ZDHHC7: variants seen among roughly 807,000 people sequenced by gnomAD.
ZDHHC7 encodes palmitoyltransferase ZDHHC7.
In ZDHHC7, 12 loss-of-function variants were observed where a neutral mutation model predicts 34.1. The ratio of observed to expected loss-of-function variants is 0.35; its 90% CI spans 0.23 to 0.57. The LOEUF (loss-of-function observed/expected upper bound fraction) is 0.57. Among genes scored for constraint, ZDHHC7 ranks in the 20% least tolerant of loss-of-function variants. The probability of loss-of-function intolerance (pLI) is 0.84; values close to 1 mark genes in which losing one functional copy is unlikely to be tolerated. For missense variants in ZDHHC7, 388 were observed against 402.7 expected (o/e 0.96, Z 0.31); for synonymous variants, 185 against 155.4 (o/e 1.19, Z -1.42).
chr16:84,981,793 C>A, intron 4 of ZDHHC7, 77 bp downstream of exon 4: 1 of 1,606,288 alleles, frequency 6.2e-7, no homozygotes, highest in East Asian at 2.2e-5. Flanking sequence ...CGGTGGTGGG[C>A]GCACTCTGGT....
At chr16:85,026,947 G>C in the ZDHHC7 span, among the ~76,000 whole-genome samples, 1 of 152,056 alleles carries the variant, frequency 6.6e-6, no homozygotes, top group East Asian at 1.9e-4. Flanking sequence ...TACTAGGGAG[G>C]GGCTGTCAGT....
chr16:85,010,317 C>A (rs2072773690), intron 1 of ZDHHC7, among the ~76,000 whole-genome samples: 1 of 152,122 alleles, frequency 6.6e-6, no homozygotes, highest in African/African-American at 2.4e-5. Context: ...CCACGAGCCA[C>A]CGCGTGCGTA....
chr16:84,990,189 G>C (rs796550870), intron 3 of ZDHHC7, 115 bp downstream of exon 3: 1 of 1,257,570 alleles, frequency 8.0e-7, no homozygotes, highest in African/African-American at 1.5e-5. Flanking sequence ...CACCTTTCTT[G>C]TTCCACACCC....
At chr16:85,005,858 T>C (rs2072710839) in intron 1 of ZDHHC7, among the ~76,000 whole-genome samples, 1 of 152,180 alleles carries the variant, frequency 6.6e-6, no homozygotes, top group Non-Finnish European at 1.5e-5. Context: ...GCAACCAGGA[T>C]TGATTCACCA....
the ZDHHC7 span, among the ~76,000 whole-genome samples, chr16:85,018,705 C>T: frequency 6.6e-6 from 1 of 152,060 alleles, no homozygotes; most frequent in South Asian, 2.1e-4. Context: ...CCACCTTGGC[C>T]TCCCAAAGTG....
intron 3 of ZDHHC7, among the ~76,000 whole-genome samples, chr16:84,987,453 T>G (rs1458649785): frequency 1.8e-4 from 28 of 152,188 alleles, no homozygotes; most frequent in South Asian, 2.1e-4. Flanking sequence ...GGTTTGTTTT[T>G]TTTTTTTCAT....
chr16:85,008,504 C>CG lies in ZDHHC7; in HGVS notation c.-104+2781_-104+2782insC, dbSNP rs549576804. On this transcript the variant is annotated intron_variant, in intron 1 of 7. Coordinates refer to ENST00000313732, the MANE Select transcript of ZDHHC7 (RefSeq NM_017740.3). Reference sequence around the variant, plus strand: ...TGGTTTTGGGAACCACCACCTACACCCCCCCCCAAAAAAAAGCCAACTTGC... The same window carrying CG: ...TGGTTTTGGGAACCACCACCTACACCGCCCCCCCAAAAAAAAGCCAACTTGC... Among the ~76,000 whole-genome samples, 6 of 144,246 alleles carry CG rather than the reference C, an allele frequency of 4.2e-5. No individual in the cohort carries two copies. The East Asian group carries it at 1.3e-3, about 32-fold the overall frequency. 94.6% of individuals were successfully genotyped at this position (144,246 alleles called of 152,430 possible).
chr16:84,998,784 C>G (rs1288461927), intron 1 of ZDHHC7, among the ~76,000 whole-genome samples: 1 of 135,686 alleles, frequency 7.4e-6, no homozygotes, highest in Non-Finnish European at 1.5e-5. Flanking sequence ...GATGGAGTCT[C>G]ACTCCTTTGC....
At chr16:85,027,302 C>G in the ZDHHC7 span, among the ~76,000 whole-genome samples, 7 of 152,202 alleles carry the variant, frequency 4.6e-5, no homozygotes, top group African/African-American at 1.7e-4. Flanking sequence ...CTCAAAGCCT[C>G]GCTGGACTAA....
intron 1 of ZDHHC7, among the ~76,000 whole-genome samples, chr16:84,997,972 GAATGT>G (rs1172015097): frequency 6.8e-6 from 1 of 147,924 alleles, no homozygotes; most frequent in African/African-American, 2.5e-5. Context: ...ACTGAGAAGA[GAATGT>G]AAAATAAAAT....
rs1412715159 is a variant in ZDHHC7 at position 84,979,681 on chromosome 16, T to A, written c.441-396A>T. ...AAACATTCTTTGTATCTTCAAATAATTCCTACCACTGAATCCATATTCACT... is the reference window on the plus strand; with the variant it reads ...AAACATTCTTTGTATCTTCAAATAAATCCTACCACTGAATCCATATTCACT... On this transcript the variant is annotated intron_variant, in intron 4 of 7. Transcript: ENST00000313732. Among the ~76,000 whole-genome samples the A allele has an allele frequency of 3.3e-5, 5 of 152,152 alleles. No homozygotes were observed. In the East Asian group the frequency reaches 9.6e-4, roughly 29 times the overall value.
intron 2 of ZDHHC7, among the ~76,000 whole-genome samples, chr16:84,992,139 G>A (rs1471026914): frequency 6.7e-6 from 1 of 149,514 alleles, no homozygotes; most frequent in African/African-American, 2.5e-5. Context: ...TCACGCCACT[G>A]CACTGGACTC....
chr16:85,012,934 T>A (rs113276385), upstream of ZDHHC7, among the ~76,000 whole-genome samples: 57 of 151,948 alleles, frequency 3.8e-4, no homozygotes, highest in South Asian at 1.5e-3. Flanking sequence ...AAAACCAGAA[T>A]ATATCACCGC....
chr16:84,996,564 C>A (rs1301871812), intron 1 of ZDHHC7, among the ~76,000 whole-genome samples: 1 of 152,062 alleles, frequency 6.6e-6, no homozygotes. Flanking sequence ...GTCGAGGAAT[C>A]CTCTCTGGCA....
chr16:85,026,332 G>A, the ZDHHC7 span, among the ~76,000 whole-genome samples: 62 of 152,172 alleles, frequency 4.1e-4, no homozygotes, highest in East Asian at 0.011. Context: ...GACCAAAAGC[G>A]TACCCACTCG....
chr16:85,021,913 T>C, the ZDHHC7 span, among the ~76,000 whole-genome samples: 4 of 151,158 alleles, frequency 2.6e-5, no homozygotes, highest in South Asian at 8.4e-4. Context: ...TCGCAGCACT[T>C]TGGGAGGCCG....
At chr16:84,993,240 G>A (rs2072533375) in intron 2 of ZDHHC7, among the ~76,000 whole-genome samples, 1 of 152,118 alleles carries the variant, frequency 6.6e-6, no homozygotes, top group South Asian at 2.1e-4. Flanking sequence ...AAGATTGCTT[G>A]AGCCTGGGAG....
chr16:84,983,022 G>C (rs1008323004), intron 3 of ZDHHC7, among the ~76,000 whole-genome samples: 1 of 152,208 alleles, frequency 6.6e-6, no homozygotes, highest in African/African-American at 2.4e-5. Context: ...GTTTGTGGGA[G>C]ACAATTCTGG....
At chr16:84,988,530 C>T (rs9923462) in intron 3 of ZDHHC7, among the ~76,000 whole-genome samples, 4,328 of 152,282 alleles carry the variant, frequency 0.028, 209 homozygotes, top group African/African-American at 0.099. Context: ...GGCGGCAGCA[C>T]GCCCTGCACA....
Sources: allele counts gnomAD v4.1 joint callset (sites outside exome capture counted in the v4.1 genomes callset), GRCh38; gene constraint gnomAD v4.1.1; transcripts MANE v1.5; gene names NCBI Gene and HGNC (gene_info 2026-07-23, HGNC 2026-07-21).